THRB: variants seen among roughly 807,000 people sequenced by gnomAD.
THRB encodes the protein thyroid hormone receptor beta.
In THRB, 12 loss-of-function variants were observed where a neutral mutation model predicts 47.8. The observed-to-expected ratio is 0.25, with a 90% CI of 0.16 to 0.41. THRB has a LOEUF of 0.41. Among genes scored for constraint, THRB ranks in the 10% least tolerant of loss-of-function variants. The probability of loss-of-function intolerance (pLI) is 1.00; values close to 1 mark genes in which losing one functional copy is unlikely to be tolerated. For synonymous variants in THRB, 218 were observed against 212.2 expected, an observed-to-expected ratio of 1.03 and a Z score of -0.24; for missense variants, 348 against 589.2, an observed-to-expected ratio of 0.59 and a Z score of 4.24.
chr3:24,263,146 A>G (rs1576391176), intron 3 of THRB, among the ~76,000 whole-genome samples: 1 of 152,322 alleles, frequency 6.6e-6, no homozygotes, highest in African/African-American at 2.4e-5. Flanking sequence ...TATGTGCAAC[A>G]TTAAAATATT....
At chr3:24,352,485 A>C (rs569878432) in intron 1 of THRB, among the ~76,000 whole-genome samples, 2 of 152,314 alleles carry the variant, frequency 1.3e-5, no homozygotes, top group Non-Finnish European at 2.9e-5. Context: ...AACAGGGCTT[A>C]ATGGACCAGA....
rs982246706 is a variant in THRB at position 24,360,295 on chromosome 3, C to T, written c.-260-22924G>A. 3.9e-5 allele frequency among the ~76,000 whole-genome samples: 6 copies of T among 152,092 alleles called. No homozygotes were observed. In the South Asian group the frequency reaches 6.2e-4, roughly 16 times the overall value. On this transcript the variant is annotated intron_variant, in intron 1 of 10. Coordinates refer to ENST00000646209, the MANE Select transcript of THRB (RefSeq NM_001354712.2). ...AAATTAGCTACTAAGGTTCACAGAGCGAAAATGTAGCAAAGTCTATTCACT... is the reference window on the plus strand; with the variant it reads ...AAATTAGCTACTAAGGTTCACAGAGTGAAAATGTAGCAAAGTCTATTCACT...
At chr3:24,192,912 T>C (rs181953675) in intron 4 of THRB, among the ~76,000 whole-genome samples, 46 of 152,294 alleles carry the variant, frequency 3.0e-4, no homozygotes, top group Middle Eastern at 3.4e-3. Flanking sequence ...GGGGCACTGC[T>C]GGGAAACCTG....
chr3:24,276,959 A>T (rs1258973517), intron 3 of THRB, among the ~76,000 whole-genome samples: 1 of 150,574 alleles, frequency 6.6e-6, no homozygotes, highest in Admixed American at 6.6e-5. Context: ...CAAACTTCAA[A>T]ATAAAAAACT....
intron 8 of THRB, among the ~76,000 whole-genome samples, chr3:24,135,857 T>G (rs1010501178): frequency 3.9e-5 from 5 of 129,244 alleles, no homozygotes; most frequent in African/African-American, 8.6e-5. Context: ...AATACATAAA[T>G]ATATATTAAT....
intron 1 of THRB, among the ~76,000 whole-genome samples, chr3:24,417,621 T>A (rs143069804): frequency 6.6e-6 from 1 of 151,884 alleles, no homozygotes; most frequent in African/African-American, 2.4e-5. Context: ...TATAAGCAAC[T>A]GAGCCTTGGT....
intron 2 of THRB, among the ~76,000 whole-genome samples, chr3:24,302,290 C>G (rs1466014074): frequency 6.6e-6 from 1 of 152,196 alleles, no homozygotes; most frequent in Non-Finnish European, 1.5e-5. Flanking sequence ...TCTACACATT[C>G]AAGTACCTGG....
chr3:24,275,642 T>C (rs2053844947), intron 3 of THRB, among the ~76,000 whole-genome samples: 1 of 152,124 alleles, frequency 6.6e-6, no homozygotes, highest in Non-Finnish European at 1.5e-5. Context: ...GAGATGAAAA[T>C]GTGTATTTTT....
intron 1 of THRB, among the ~76,000 whole-genome samples, chr3:24,463,569 A>C (rs993256537): frequency 6.6e-6 from 1 of 152,308 alleles, no homozygotes; most frequent in Admixed American, 6.5e-5. Flanking sequence ...ACATTTGATA[A>C]TAATCTTTCA....
At chr3:24,396,974 C>A (rs1011105352) in intron 1 of THRB, among the ~76,000 whole-genome samples, 7 of 151,978 alleles carry the variant, frequency 4.6e-5, no homozygotes, top group Non-Finnish European at 7.4e-5. Context: ...TTTTGCTATT[C>A]TTAAGCACAA....
chr3:24,432,435 CA>C (rs1394377091), intron 1 of THRB, among the ~76,000 whole-genome samples: 4 of 152,114 alleles, frequency 2.6e-5, no homozygotes, highest in Non-Finnish European at 5.9e-5. Flanking sequence ...TACAGAGGTA[CA>C]TACACCTTCT....
intron 2 of THRB, among the ~76,000 whole-genome samples, chr3:24,335,000 G>T (rs1228934430): frequency 3.9e-5 from 6 of 152,150 alleles, no homozygotes; most frequent in African/African-American, 1.4e-4. Context: ...CATGGAAATG[G>T]ATAGAGAAGC....
chr3:24,484,246 A>G (rs1696923201), intron 1 of THRB, among the ~76,000 whole-genome samples: 1 of 152,186 alleles, frequency 6.6e-6, no homozygotes, highest in South Asian at 2.1e-4. Context: ...CTGGCAAGAA[A>G]AAGAAAATGT....
At chr3:24,427,683 G>A (rs2069904853) in intron 1 of THRB, among the ~76,000 whole-genome samples, 1 of 152,090 alleles carries the variant, frequency 6.6e-6, no homozygotes, top group East Asian at 1.9e-4. Flanking sequence ...GTAAAACCCT[G>A]TAGTACATCA....
intron 2 of THRB, among the ~76,000 whole-genome samples, chr3:24,307,170 A>C (rs983937536): frequency 6.6e-6 from 1 of 152,120 alleles, no homozygotes; most frequent in African/African-American, 2.4e-5. Context: ...ACACAGTGCC[A>C]TGTGTATGCT....
At chr3:24,363,715 C>T (rs55751089) in intron 1 of THRB, among the ~76,000 whole-genome samples, 2,024 of 152,218 alleles carry the variant, frequency 0.013, 21 homozygotes, top group South Asian at 0.034. Flanking sequence ...GTCCTTCATA[C>T]AATTTAAAGA....
At chr3:24,329,495 T>C (rs2061783859) in intron 2 of THRB, among the ~76,000 whole-genome samples, 1 of 152,226 alleles carries the variant, frequency 6.6e-6, no homozygotes, top group African/African-American at 2.4e-5. Flanking sequence ...ATTTATATCA[T>C]AACATGTATT....
chr3:24,218,049 G>A (rs749043769), intron 4 of THRB, among the ~76,000 whole-genome samples: 25 of 152,012 alleles, frequency 1.6e-4, no homozygotes, highest in Admixed American at 2.0e-4. Flanking sequence ...GGTGGATCAC[G>A]AGGTCAGGAG....
intron 3 of THRB, among the ~76,000 whole-genome samples, chr3:24,240,960 C>G (rs1188441840): frequency 6.6e-6 from 1 of 152,154 alleles, no homozygotes; most frequent in African/African-American, 2.4e-5. Flanking sequence ...CACGGTCAGC[C>G]TTCTCTAGAA....
Sources: gnomAD v4.1 joint callset for allele counts (sites outside exome capture counted in the v4.1 genomes callset) on GRCh38, gnomAD v4.1.1 for gene constraint, MANE v1.5 for transcripts, NCBI Gene and HGNC (gene_info 2026-07-23, HGNC 2026-07-21) for gene names.